Variants in DAB1 observed in about 807,000 individuals in gnomAD.
The protein encoded by DAB1 is disabled homolog 1.
Under a neutral mutation model 64.6 loss-of-function variants are expected in DAB1, and 15 were observed. The ratio of observed to expected loss-of-function variants is 0.23; its 90% CI spans 0.16 to 0.36. The LOEUF (loss-of-function observed/expected upper bound fraction) is 0.36. Among genes scored for constraint, DAB1 ranks in the 10% least tolerant of loss-of-function variants. The pLI, the probability that DAB1 is intolerant of heterozygous loss-of-function variation, is 1.00. For synonymous variants in DAB1, 235 were observed against 251.9 expected (o/e 0.93, Z 0.64); for missense variants, 596 against 706.7 (o/e 0.84, Z 1.78).
Position 57,339,904 on chromosome 1 carries a change from T to A in DAB1, c.-136-48738A>T, listed in dbSNP as rs145766985. 3.3e-5 allele frequency among the ~76,000 whole-genome samples: 5 copies of A among 152,324 alleles called. No individual in the cohort carries two copies. The East Asian group carries it at 7.7e-4, about 24-fold the overall frequency. ...TATGTTACTCTGAAGCATCACTTAATTAATTTTCAAGTCATCGCCAGGGAG... is the reference window on the plus strand; with the variant it reads ...TATGTTACTCTGAAGCATCACTTAAATAATTTTCAAGTCATCGCCAGGGAG... On this transcript the variant is annotated intron_variant, in intron 1 of 14. Coordinates refer to ENST00000371236, the MANE Select transcript of DAB1 (RefSeq NM_001365792.1).
intron 6 of DAB1, among the ~76,000 whole-genome samples, chr1:57,662,203 G>A (rs553037625): frequency 3.6e-4 from 55 of 151,764 alleles, no homozygotes; most frequent in Middle Eastern, 3.4e-3. Context: ...TTGTTTGTTT[G>A]TTTGTTTTTG....
At chr1:57,183,103 T>G (rs197110) in intron 2 of DAB1, among the ~76,000 whole-genome samples, 93,609 of 151,574 alleles carry the variant, frequency 0.62, 29,541 homozygotes, top group African/African-American at 0.75. Flanking sequence ...TAACCTGAGA[T>G]GATAAAATGT....
intron 4 of DAB1, among the ~76,000 whole-genome samples, chr1:58,153,525 C>G (rs960998614): frequency 6.6e-6 from 1 of 152,088 alleles, no homozygotes; most frequent in African/African-American, 2.4e-5. Context: ...AATATAGACA[C>G]TGTTTTATTA....
At chr1:58,410,548 T>C (rs560881989) in intron 3 of DAB1, among the ~76,000 whole-genome samples, 2 of 152,298 alleles carry the variant, frequency 1.3e-5, no homozygotes, top group East Asian at 3.9e-4. Context: ...TTCACCAGCA[T>C]GAATAGGCTG....
At chr1:57,664,276 TA>T (rs1558588982) in intron 6 of DAB1, among the ~76,000 whole-genome samples, 1 of 152,046 alleles carries the variant, frequency 6.6e-6, no homozygotes, top group East Asian at 1.9e-4. Flanking sequence ...ACAAAGCAAA[TA>T]AGGGATTTTT....
At chr1:58,447,618 CA>C (rs1645083511) in intron 3 of DAB1, among the ~76,000 whole-genome samples, 2 of 152,084 alleles carry the variant, frequency 1.3e-5, no homozygotes, top group Non-Finnish European at 2.9e-5. Flanking sequence ...AAACGCTCGT[CA>C]GTGCTATGAA....
intron 9 of DAB1, among the ~76,000 whole-genome samples, chr1:57,056,840 G>A (rs960922885): frequency 6.6e-6 from 1 of 151,988 alleles, no homozygotes; most frequent in Non-Finnish European, 1.5e-5. Context: ...CTTTAGCCTG[G>A]GCAACAGAGC....
chr1:57,947,720 C>T (rs1011454362), intron 5 of DAB1, among the ~76,000 whole-genome samples: 4 of 152,054 alleles, frequency 2.6e-5, no homozygotes, highest in South Asian at 4.1e-4. Context: ...GAGAAATTGA[C>T]GCCTATGGAG....
At chr1:57,450,067 GA>G (rs1356879931) in intron 7 of DAB1, among the ~76,000 whole-genome samples, 3 of 152,168 alleles carry the variant, frequency 2.0e-5, no homozygotes, top group Non-Finnish European at 4.4e-5. Flanking sequence ...GAAGCTTTTA[GA>G]AAACATCCCT....
At chr1:57,907,450 C>A (rs574012087) in intron 5 of DAB1, among the ~76,000 whole-genome samples, 38 of 152,354 alleles carry the variant, frequency 2.5e-4, no homozygotes, top group African/African-American at 8.9e-4. Flanking sequence ...TACTAGCACA[C>A]AAGCACCCAA....
chr1:57,206,384 C>T (rs1665537867), intron 2 of DAB1, among the ~76,000 whole-genome samples: 1 of 152,162 alleles, frequency 6.6e-6, no homozygotes, highest in South Asian at 2.1e-4. Flanking sequence ...CACACAAATT[C>T]CTAGCCCCCA....
chr1:57,736,234 T>C (rs921335677), intron 6 of DAB1, among the ~76,000 whole-genome samples: 2 of 152,104 alleles, frequency 1.3e-5, no homozygotes, highest in African/African-American at 2.4e-5. Context: ...CCTCCCAAGA[T>C]AAAGTTAAGA....
chr1:57,036,025 T>G (rs1203934067), intron 9 of DAB1, among the ~76,000 whole-genome samples: 1 of 151,886 alleles, frequency 6.6e-6, no homozygotes, highest in Non-Finnish European at 1.5e-5. Context: ...GTATTTTTAG[T>G]AGAGACGGGG....
At chr1:57,800,599 A>C (rs769868222) in intron 6 of DAB1, among the ~76,000 whole-genome samples, 4 of 152,236 alleles carry the variant, frequency 2.6e-5, no homozygotes, top group Non-Finnish European at 4.4e-5. Context: ...AGTCAAAATG[A>C]ATTACTCAGT....
intron 7 of DAB1, among the ~76,000 whole-genome samples, chr1:57,511,141 C>T (rs572372445): frequency 6.6e-6 from 1 of 152,240 alleles, no homozygotes; most frequent in African/African-American, 2.4e-5. Flanking sequence ...ATACTCTAGA[C>T]CCTCTAAAAT....
chr1:57,249,878 G>C (rs189370432), intron 2 of DAB1, among the ~76,000 whole-genome samples: 1 of 152,118 alleles, frequency 6.6e-6, no homozygotes, highest in Admixed American at 6.5e-5. Flanking sequence ...ATAATCTATT[G>C]TTTTCAGATT....
At chr1:58,125,786 T>A (rs541039571) in intron 5 of DAB1, among the ~76,000 whole-genome samples, 1 of 152,180 alleles carries the variant, frequency 6.6e-6, no homozygotes, top group Non-Finnish European at 1.5e-5. Context: ...ATGCATTCTC[T>A]TCTGCTGATC....
At chr1:57,825,449 C>T (rs1385159454), downstream of DAB1, among the ~76,000 whole-genome samples, 1 of 152,140 alleles carries the variant, frequency 6.6e-6, no homozygotes, top group African/African-American at 2.4e-5. Context: ...GGAACTGAAG[C>T]CAGATTGTCA....
chr1:57,749,232 C>G (rs1178315937), intron 6 of DAB1, among the ~76,000 whole-genome samples: 2 of 152,134 alleles, frequency 1.3e-5, no homozygotes, highest in Non-Finnish European at 1.5e-5. Context: ...CTGTCTTATC[C>G]ACTACCCGAC....
Sources: gnomAD v4.1 joint callset for allele counts (sites outside exome capture counted in the v4.1 genomes callset) on GRCh38, gnomAD v4.1.1 for gene constraint, MANE v1.5 for transcripts, NCBI Gene and HGNC (gene_info 2026-07-23, HGNC 2026-07-21) for gene names.